PRKAG2: variants seen among roughly 807,000 people sequenced by gnomAD.
PRKAG2 encodes protein kinase AMP-activated non-catalytic subunit gamma 2, also known as 5'-AMP-activated protein kinase subunit gamma-2.
In PRKAG2, 26 loss-of-function variants were observed where a neutral mutation model predicts 69.6. The ratio of observed to expected loss-of-function variants is 0.37; its 90% CI spans 0.27 to 0.52. The LOEUF (loss-of-function observed/expected upper bound fraction) is 0.52, where lower values mean the gene tolerates loss of function less well. Ranked by LOEUF, PRKAG2 falls within the 20% of genes least tolerant of loss-of-function variation. The pLI, the probability that PRKAG2 is intolerant of heterozygous loss-of-function variation, is 0.90. For missense variants in PRKAG2, 557 were observed against 740.0 expected (o/e 0.75, Z 2.87); for synonymous variants, 293 against 285.0 (o/e 1.03, Z -0.28).
intron 6 of PRKAG2, 125 bp downstream of exon 6, chr7:151,595,220 G>C: frequency 1.4e-6 from 1 of 706,432 alleles, no homozygotes; most frequent in South Asian, 1.6e-5. Flanking sequence ...TAAAACCTCA[G>C]CACAGTGCCC....
chr7:151,641,726 GT>G (rs1327736823), intron 4 of PRKAG2, among the ~76,000 whole-genome samples: 1 of 151,436 alleles, frequency 6.6e-6, no homozygotes, highest in Non-Finnish European at 1.5e-5. Context: ...GCCCAGGCTG[GT>G]CTGAAACTCC....
chr7:151,610,746 T>TC (rs1420201690), intron 5 of PRKAG2, among the ~76,000 whole-genome samples: 1 of 97,854 alleles, frequency 1.0e-5, no homozygotes, highest in African/African-American at 4.1e-5. Flanking sequence ...TTTCTTTTTT[T>TC]TTTTTTTTTT....
At chr7:151,628,570 G>C (rs923057013) in intron 5 of PRKAG2, among the ~76,000 whole-genome samples, 2 of 152,038 alleles carry the variant, frequency 1.3e-5, no homozygotes, top group African/African-American at 4.8e-5. Flanking sequence ...AAATTAGCCA[G>C]GCATGGTGGC....
At chr7:151,625,597 C>T (rs1022428259) in intron 5 of PRKAG2, among the ~76,000 whole-genome samples, 1 of 152,138 alleles carries the variant, frequency 6.6e-6, no homozygotes, top group South Asian at 2.1e-4. Flanking sequence ...GCTGCTGGAA[C>T]GGTCCATAGG....
At chr7:151,714,752 C>T (rs528958049) in intron 3 of PRKAG2, among the ~76,000 whole-genome samples, 57 of 151,952 alleles carry the variant, frequency 3.8e-4, no homozygotes, top group African/African-American at 1.4e-3. Flanking sequence ...GAGGTTGAGA[C>T]CAGCCTGGAC....
chr7:151,700,142 C>G (rs954274658), intron 3 of PRKAG2, among the ~76,000 whole-genome samples: 2 of 152,220 alleles, frequency 1.3e-5, no homozygotes, highest in Admixed American at 6.5e-5. Context: ...TCCTCCCCAA[C>G]AAGGGAAATC....
At chr7:151,810,998 G>C (rs369916072) in intron 1 of PRKAG2, among the ~76,000 whole-genome samples, 2 of 152,094 alleles carry the variant, frequency 1.3e-5, no homozygotes, top group African/African-American at 4.8e-5. Context: ...GTGGCGGAGA[G>C]GGCAGACCCT....
rs147543162 is a variant in PRKAG2 at position 151,627,405 on chromosome 7, C to T, written c.754+4664G>A. Among the ~76,000 whole-genome samples the T allele has an allele frequency of 2.2e-3, 338 of 152,230 alleles. 1 individual carries two copies. The highest frequency in any genetic ancestry group is 7.5e-3 in the African/African-American group (313 of 41,542). On this transcript the variant is annotated intron_variant, in intron 5 of 15. Transcript: ENST00000287878. ...CTTTGGGAGGCCGAGGCAGGCAGAT[C>T]GCTTGAGGCCAGGAGTTCGAGACCA...
intron 1 of PRKAG2, among the ~76,000 whole-genome samples, chr7:151,867,005 T>C (rs1052823495): frequency 7.9e-5 from 12 of 152,104 alleles, no homozygotes; most frequent in African/African-American, 2.9e-4. Context: ...TCACGTTACG[T>C]TGGTTTTCTC....
chr7:151,634,485 C>T (rs371397284), intron 4 of PRKAG2, among the ~76,000 whole-genome samples: 308 of 152,146 alleles, frequency 2.0e-3, no homozygotes, highest in Middle Eastern at 3.4e-3. Flanking sequence ...TTTTGCTCTG[C>T]GAAAGACCCT....
At chr7:151,849,890 G>T (rs79836548) in intron 1 of PRKAG2, among the ~76,000 whole-genome samples, 4,142 of 152,260 alleles carry the variant, frequency 0.027, 185 homozygotes, top group African/African-American at 0.093. Context: ...AGGTGCTGGG[G>T]GTTAGGACCT....
chr7:151,702,681 C>T (rs1030397155), intron 3 of PRKAG2, among the ~76,000 whole-genome samples: 3 of 152,258 alleles, frequency 2.0e-5, no homozygotes, highest in African/African-American at 7.2e-5. Flanking sequence ...AGTTAAAATA[C>T]TCTCAGGAGA....
intron 3 of PRKAG2, among the ~76,000 whole-genome samples, chr7:151,689,741 A>C (rs2151523653): frequency 6.6e-6 from 1 of 152,040 alleles, no homozygotes; most frequent in African/African-American, 2.4e-5. Flanking sequence ...GGTTCTGTTG[A>C]CTCAACACAT....
chr7:151,575,549 G>A (rs899025974), intron 7 of PRKAG2, among the ~76,000 whole-genome samples: 8 of 152,322 alleles, frequency 5.3e-5, no homozygotes, highest in East Asian at 3.9e-4. Context: ...GATAAGTAAC[G>A]ATGGCATTTA....
chr7:151,559,774 C>T lies in PRKAG2; in HGVS notation c.1678+750G>A, dbSNP rs571420695. 3.3e-5 allele frequency: 33 copies of T among 985,282 alleles called. No individual in the cohort carries two copies. In the South Asian group the frequency reaches 9.4e-4, roughly 28 times the overall value. 61.0% of individuals were successfully genotyped at this position (985,282 alleles called of 1,614,324 possible). A position where few individuals can be genotyped will look rare whatever the true frequency, so the allele number is the denominator to read the frequency against. On this transcript the variant is annotated intron_variant, in intron 15 of 15. Transcript: ENST00000287878. Reference sequence around the variant, plus strand: ...AAGGGCATGCTGTTTGCTCCCACATCGGGTCCATGTGGCCCTGACAAAGGC... The same window carrying T: ...AAGGGCATGCTGTTTGCTCCCACATTGGGTCCATGTGGCCCTGACAAAGGC...
chr7:151,664,487 T>C (rs112771725), intron 4 of PRKAG2, among the ~76,000 whole-genome samples: 11 of 152,230 alleles, frequency 7.2e-5, no homozygotes, highest in African/African-American at 2.6e-4. Flanking sequence ...ACATCTCCTC[T>C]TCACACCAAG....
intron 3 of PRKAG2, among the ~76,000 whole-genome samples, chr7:151,685,376 A>G (rs2727553): frequency 0.46 from 70,137 of 152,070 alleles, 16,467 homozygotes; most frequent in Admixed American, 0.51. Flanking sequence ...TTTCAGCTTC[A>G]GCACCCCTTT....
In PRKAG2 at chr7:151,558,317, TCTTA is replaced by T. The variant is rs1366188665; in HGVS notation, c.1679-1089_1679-1086del. ...ACAGCAGACACTTCATCAAACTGCC[TCTTA>T]CTGACTATTCCATGGACAACCACCT... On this transcript the variant is annotated intron_variant, in intron 15 of 15. Coordinates refer to ENST00000287878, the MANE Select transcript of PRKAG2 (RefSeq NM_016203.4). 6.1e-6 allele frequency: 6 copies of T among 985,336 alleles called. No individual in the cohort carries two copies. The African/African-American group carries it at 1.0e-4, about 17-fold the overall frequency. The allele number at this position is 985,336 out of a possible 1,614,324, so 61.0% of individuals were successfully genotyped here. A position where few individuals can be genotyped will look rare whatever the true frequency, so the allele number is the denominator to read the frequency against.
chr7:151,579,105 C>T lies in PRKAG2; in HGVS notation c.865-2653G>A, dbSNP rs567255486. Among the ~76,000 whole-genome samples, 63 of 152,234 alleles carry T rather than the reference C, an allele frequency of 4.1e-4. 1 individual carries two copies. Among genetic ancestry groups the T allele is most frequent in the South Asian group, 4.2e-4 (2 of 4,814 alleles). On this transcript the variant is annotated intron_variant, in intron 6 of 15. Transcript: ENST00000287878. ...ATTGTTTCCTCACTGCACCCCTCCC[C>T]GCTGCCCCTGCCGGGCTCAAGTGAT... is the stretch of plus-strand genomic sequence containing the variant.
Sources: allele counts gnomAD v4.1 joint callset (sites outside exome capture counted in the v4.1 genomes callset), GRCh38; gene constraint gnomAD v4.1.1; transcripts MANE v1.5; gene names NCBI Gene and HGNC (gene_info 2026-07-23, HGNC 2026-07-21).